The following PRH1 variants were observed in gnomAD, a reference collection of about 807,000 sequenced individuals.
PRH1 encodes the protein salivary acidic proline-rich phosphoprotein 1/2.
Under a neutral mutation model 7.9 loss-of-function variants are expected in PRH1, and 7 were observed. The observed-to-expected ratio is 0.89, with a 90% CI of 0.50 to 1.67. The LOEUF (loss-of-function observed/expected upper bound fraction) is 1.67, where lower values mean the gene tolerates loss of function less well. Among genes scored for constraint, PRH1 ranks in the 40% most tolerant of loss-of-function variants. The pLI is 0.00. For synonymous variants in PRH1, 45 were observed against 80.8 expected, an observed-to-expected ratio of 0.56 and a Z score of 2.38; for missense variants, 109 against 223.6, an observed-to-expected ratio of 0.49 and a Z score of 3.27.
In PRH1 at chr12:11,088,139, G is replaced by C. The variant is rs534320440; in HGVS notation, n.124-40951C>G. ...GAAGATCATTTGAGCCCAGGAGTTT[G>C]AGACCAGCCTGGGTAACACGGTGAA... On this transcript the variant is annotated intron_variant and non_coding_transcript_variant, in intron 1 of 4. Transcript: ENST00000541977. 4.6e-4 allele frequency among the ~76,000 whole-genome samples: 59 copies of C among 129,612 alleles called. 4 individuals are homozygous for C. The highest frequency in any genetic ancestry group is 1.6e-3 in the African/African-American group (58 of 37,036). 85.0% of individuals were successfully genotyped at this position (129,612 alleles called of 152,430 possible).
At chr12:11,014,891 C>T (rs186827966) in intron 1 of PRH1, among the ~76,000 whole-genome samples, 251 of 152,154 alleles carry the variant, frequency 1.6e-3, no homozygotes, top group Non-Finnish European at 3.0e-3. Context: ...TCACCACCCA[C>T]CAGGAATGTC....
At chr12:11,109,840 T>C (rs1053569201) in intron 1 of PRH1, among the ~76,000 whole-genome samples, 4 of 151,922 alleles carry the variant, frequency 2.6e-5, no homozygotes, top group South Asian at 4.2e-4. Context: ...TTGACACAAG[T>C]AGGCTTCAGA....
chr12:11,113,997 A>T (rs1253299645), intron 1 of PRH1, among the ~76,000 whole-genome samples: 1 of 152,216 alleles, frequency 6.6e-6, no homozygotes, highest in Non-Finnish European at 1.5e-5. Context: ...TTAAAAAGTC[A>T]GGAAACAACA....
chr12:11,126,857 T>C (rs574616936), intron 1 of PRH1, among the ~76,000 whole-genome samples: 2 of 152,338 alleles, frequency 1.3e-5, no homozygotes, highest in South Asian at 4.1e-4. Flanking sequence ...TATGTTGAAA[T>C]ATCAAAATAG....
chr12:11,151,996 T>C (rs961809847), intron 1 of PRH1, among the ~76,000 whole-genome samples: 1 of 151,976 alleles, frequency 6.6e-6, no homozygotes, highest in Admixed American at 6.6e-5. Flanking sequence ...CAATAATACA[T>C]AGGTATTATT....
chr12:11,078,099 G>A lies in PRH1; in HGVS notation n.124-30911C>T. On this transcript the variant is annotated intron_variant and non_coding_transcript_variant, in intron 1 of 4. Transcript: ENST00000541977. ...CAATTCTGGAGACCACCAGAGCAGTGAGGATTTGGTCAGCTGAGGAGATCT... is the reference window on the plus strand; with the variant it reads ...CAATTCTGGAGACCACCAGAGCAGTAAGGATTTGGTCAGCTGAGGAGATCT... 2 of 633,262 alleles carry A rather than the reference G, an allele frequency of 3.2e-6. 1 individual carries two copies. Among genetic ancestry groups the A allele is most frequent in the South Asian group, 3.1e-5 (2 of 65,462 alleles). 39.2% of individuals were successfully genotyped at this position (633,262 alleles called of 1,614,324 possible).
chr12:10,982,311 C>T (rs553477576), intron 1 of PRH1, among the ~76,000 whole-genome samples: 1 of 152,182 alleles, frequency 6.6e-6, no homozygotes, highest in East Asian at 1.9e-4. Flanking sequence ...AGGGGGCGGT[C>T]GTCCATTTTA....
At chr12:11,115,753 C>T (rs1285787589) in intron 1 of PRH1, among the ~76,000 whole-genome samples, 1 of 151,944 alleles carries the variant, frequency 6.6e-6, no homozygotes, top group Admixed American at 6.6e-5. Context: ...ATTTTGGAAA[C>T]TATACAGACA....
intron 1 of PRH1, among the ~76,000 whole-genome samples, chr12:11,080,202 G>T (rs1944455527): frequency 8.4e-6 from 1 of 118,440 alleles, no homozygotes; most frequent in African/African-American, 2.9e-5. Context: ...AGCTTGGTTT[G>T]GCCCACTTTG....
intron 1 of PRH1, among the ~76,000 whole-genome samples, chr12:10,998,786 TC>T (rs1206320481): frequency 6.6e-6 from 1 of 152,142 alleles, no homozygotes; most frequent in Non-Finnish European, 1.5e-5. Context: ...TGCAGTGTCC[TC>T]CCACCACAGG....
intron 1 of PRH1, among the ~76,000 whole-genome samples, chr12:11,156,213 C>T (rs1003471565): frequency 1.3e-5 from 2 of 152,176 alleles, no homozygotes; most frequent in East Asian, 1.9e-4. Context: ...AGCTTCCATG[C>T]TTTCTGCTGA....
intron 1 of PRH1, among the ~76,000 whole-genome samples, chr12:11,131,120 T>C (rs1314188085): frequency 6.6e-6 from 1 of 152,166 alleles, no homozygotes; most frequent in African/African-American, 2.4e-5. Flanking sequence ...AGATGGTAGT[T>C]CTAACTCAGG....
At chr12:11,136,302 T>G (rs1946552811) in intron 1 of PRH1, among the ~76,000 whole-genome samples, 2 of 152,222 alleles carry the variant, frequency 1.3e-5, no homozygotes, top group Non-Finnish European at 2.9e-5. Context: ...GTCACATAGT[T>G]GCAAGTACAT....
chr12:11,091,535 A>C (rs1428922617), intron 1 of PRH1: 2 of 1,459,970 alleles, frequency 1.4e-6, no homozygotes, highest in Non-Finnish European at 1.9e-6. Context: ...GAGGAAGGAG[A>C]TCACAGTTTG....
intron 1 of PRH1, chr12:11,166,223 G>A (rs1312880854): frequency 6.6e-6 from 1 of 152,158 alleles, no homozygotes; most frequent in Non-Finnish European, 1.5e-5. Context: ...ATCAGTGGAG[G>A]GTCTTGATAT....
chr12:11,036,351 C>T (rs990141242), intron 1 of PRH1, among the ~76,000 whole-genome samples: 2 of 152,162 alleles, frequency 1.3e-5, no homozygotes, highest in African/African-American at 4.8e-5. Context: ...TCTGGTGCTT[C>T]TATGGAATTC....
chr12:11,125,945 C>T (rs1310056343), intron 1 of PRH1, among the ~76,000 whole-genome samples: 2 of 86,718 alleles, frequency 2.3e-5, no homozygotes, highest in African/African-American at 6.5e-5. Context: ...ATGCTCTATT[C>T]TTCTTTATTC....
At chr12:10,922,979 C>T (rs1405449800) in intron 2 of PRH1, among the ~76,000 whole-genome samples, 12 of 149,834 alleles carry the variant, frequency 8.0e-5, no homozygotes, top group Middle Eastern at 3.4e-3. Flanking sequence ...CAGGCGCCCG[C>T]CACCGCGCCC....
At chr12:10,961,876 A>C (rs2135934090) in intron 2 of PRH1, among the ~76,000 whole-genome samples, 1 of 152,346 alleles carries the variant, frequency 6.6e-6, no homozygotes, top group South Asian at 2.1e-4. Flanking sequence ...ACTGGGGTCC[A>C]AGTGCATGCA....
Sources: allele counts gnomAD v4.1 joint callset (sites outside exome capture counted in the v4.1 genomes callset), GRCh38; gene constraint gnomAD v4.1.1; transcripts MANE v1.5; gene names NCBI Gene and HGNC (gene_info 2026-07-23, HGNC 2026-07-21).